SLC12A8: variants seen among roughly 807,000 people sequenced by gnomAD.
SLC12A8 encodes the protein cation-chloride cotransporter 9.
In SLC12A8, 69 loss-of-function variants were observed where a neutral mutation model predicts 75.6. The ratio of observed to expected loss-of-function variants is 0.91; its 90% CI spans 0.75 to 1.11. The LOEUF (loss-of-function observed/expected upper bound fraction) is 1.11. Among genes scored for constraint, SLC12A8 ranks in the 50% most tolerant of loss-of-function variants. SLC12A8 has a pLI of 0.00. For missense variants in SLC12A8, 877 were observed against 896.7 expected (o/e 0.98, Z 0.28); for synonymous variants, 365 against 372.8 (o/e 0.98, Z 0.24).
In SLC12A8 at chr3:125,164,485, G is replaced by A. The variant is rs115682029; in HGVS notation, c.622+13258C>T. Among the ~76,000 whole-genome samples the A allele has an allele frequency of 1.0e-2, 1,518 of 152,354 alleles. 16 individuals carry two copies. The highest frequency in any genetic ancestry group is 0.015 in the Non-Finnish European group (1,045 of 68,038). On this transcript the variant is annotated intron_variant, in intron 5 of 13. Coordinates refer to ENST00000469902, the MANE Select transcript of SLC12A8 (RefSeq NM_024628.6). ...CATCCACACCCACAACTAAGCAGGTGTTTGCTGTACTTGTGGCCCTCAGCT... is the reference window on the plus strand; with the variant it reads ...CATCCACACCCACAACTAAGCAGGTATTTGCTGTACTTGTGGCCCTCAGCT...
intron 9 of SLC12A8, among the ~76,000 whole-genome samples, chr3:125,108,393 G>A (rs927473903): frequency 1.3e-5 from 2 of 150,132 alleles, no homozygotes; most frequent in African/African-American, 4.9e-5. Context: ...TTTTGAGACC[G>A]GGTCTGGCTC....
At chr3:125,113,620 T>C (rs1939238586) in intron 8 of SLC12A8, among the ~76,000 whole-genome samples, 1 of 152,208 alleles carries the variant, frequency 6.6e-6, no homozygotes, top group Admixed American at 6.5e-5. Flanking sequence ...ATTTGCTAAA[T>C]GTGCCAGTGG....
At chr3:125,131,757 T>C (rs1197846533) in intron 6 of SLC12A8, among the ~76,000 whole-genome samples, 2 of 152,092 alleles carry the variant, frequency 1.3e-5, no homozygotes, top group South Asian at 2.1e-4. Context: ...ACAGTGTAAA[T>C]GCATAGGTCA....
chr3:125,097,647 T>C (rs1938751402), intron 10 of SLC12A8, among the ~76,000 whole-genome samples: 1 of 151,944 alleles, frequency 6.6e-6, no homozygotes, highest in African/African-American at 2.4e-5. Flanking sequence ...CTGTTTTATA[T>C]ATCAGCAATG....
In SLC12A8 at chr3:125,177,836, T is replaced by C. The variant is rs760173926; in HGVS notation, c.529A>G (p.Lys177Glu). The C allele has an allele frequency of 1.9e-6, 3 of 1,614,196 alleles. No homozygotes were observed. Among genetic ancestry groups the C allele is most frequent in the Non-Finnish European group, 2.5e-6 (3 of 1,180,040 alleles). Residue 177 changes from lysine (K) to glutamate (E), a missense_variant, in exon 5 of 14, where the codon AAA (lysine) becomes GAA (glutamate). Transcript: ENST00000469902. ...AGCAGCTGGAGGCGGATTATCCATT[T>C]GACACCTGCGAGGTTAATGCCCAGC... ...ALLGINLAGV[K>E]WIIRLQLLLL... is the part of the protein sequence containing the mutation.
rs527547390 is a variant in SLC12A8, at chr3:125,100,962, G to C, written c.1705+6519C>G. Among the ~76,000 whole-genome samples, 686 of 138,402 alleles carry C rather than the reference G, an allele frequency of 5.0e-3. 8 individuals are homozygous for C. The highest frequency in any genetic ancestry group is 0.013 in the Middle Eastern group (3 of 236). 90.8% of individuals were successfully genotyped at this position (138,402 alleles called of 152,430 possible). A position where few individuals can be genotyped will look rare whatever the true frequency, so the allele number is the denominator to read the frequency against. On this transcript the variant is annotated intron_variant, in intron 10 of 13. Coordinates refer to ENST00000469902, the MANE Select transcript of SLC12A8 (RefSeq NM_024628.6). ...CGGGAAGCGGAGCTTGCAGTGAGCC[G>C]AGATTGCGCCACTGCAGTCCGCAGT... is the stretch of plus-strand genomic sequence containing the variant.
intron 5 of SLC12A8, among the ~76,000 whole-genome samples, chr3:125,146,696 C>T (rs970037809): frequency 2.8e-4 from 43 of 152,152 alleles, no homozygotes; most frequent in African/African-American, 9.2e-4. Context: ...CGGAGTGCAG[C>T]GGCATGATCA....
Position 125,107,684 on chromosome 3 carries a change from A to G in SLC12A8, c.1502T>C (p.Leu501Pro), listed in dbSNP as rs577023713. The stretch of plus-strand genomic sequence containing the variant: ...GAGGTCCAAGAGGAAGCTATCTTGT[A>G]GGGTCTGCTTGGTGGCCTTCTTGCT... Reference protein sequence around the residue: ...RKSKKATKQTLQDSFLLDLKS... With the variant: ...RKSKKATKQTPQDSFLLDLKS... Residue 501 changes from leucine to proline, a missense_variant, in exon 10 of 14, where the codon CTA becomes CCA. By Grantham distance (98) the Leu-to-Pro change is moderately conservative. Transcript: ENST00000469902. 1 of 1,614,142 alleles carries G rather than the reference A, an allele frequency of 6.2e-7. No individual in the cohort carries two copies. The highest frequency in any genetic ancestry group is 8.5e-7 in the Non-Finnish European group (1 of 1,180,014).
chr3:125,140,002 T>A (rs11709950), intron 5 of SLC12A8, among the ~76,000 whole-genome samples: 26 of 152,168 alleles, frequency 1.7e-4, no homozygotes, highest in Non-Finnish European at 2.8e-4. Context: ...GCACGTGAGA[T>A]TGTCCCGCCA....
chr3:125,178,282 C>T (rs2945117), intron 4 of SLC12A8, among the ~76,000 whole-genome samples: 6,776 of 152,210 alleles, frequency 0.045, 225 homozygotes, highest in Admixed American at 0.072. Flanking sequence ...GCTAAAGAGG[C>T]CTCCGGATTT....
intron 5 of SLC12A8, among the ~76,000 whole-genome samples, chr3:125,162,830 A>G (rs58483254): frequency 6.6e-6 from 1 of 152,336 alleles, no homozygotes; most frequent in East Asian, 1.9e-4. Flanking sequence ...AAGAGGAAGG[A>G]TCCCAGGCCT....
chr3:125,169,522 G>C (rs1934363848), intron 5 of SLC12A8, among the ~76,000 whole-genome samples: 1 of 152,102 alleles, frequency 6.6e-6, no homozygotes, highest in Non-Finnish European at 1.5e-5. Context: ...AAGACAACTT[G>C]AGACGGAAGG....
chr3:125,148,944 C>A (rs1933851570), intron 5 of SLC12A8, among the ~76,000 whole-genome samples: 1 of 151,346 alleles, frequency 6.6e-6, no homozygotes, highest in Admixed American at 6.6e-5. Flanking sequence ...CTGCCACGTG[C>A]AGTGAGAGGA....
At chr3:125,199,461 G>T (rs1397204956) in intron 2 of SLC12A8, among the ~76,000 whole-genome samples, 1 of 152,104 alleles carries the variant, frequency 6.6e-6, no homozygotes, top group Non-Finnish European at 1.5e-5. Flanking sequence ...AAGATGGTAG[G>T]CCTGGGGCAG....
chr3:125,130,678 G>A (rs1396348726), intron 6 of SLC12A8, among the ~76,000 whole-genome samples: 1 of 152,156 alleles, frequency 6.6e-6, no homozygotes, highest in African/African-American at 2.4e-5. Flanking sequence ...GATCTCACAT[G>A]TGAGTCCAGC....
At chr3:125,201,678 T>G (rs181737479) in intron 2 of SLC12A8, among the ~76,000 whole-genome samples, 7 of 140,034 alleles carry the variant, frequency 5.0e-5, no homozygotes, top group Non-Finnish European at 1.1e-4. Context: ...GCCCAGGAGG[T>G]TGAGGCTGCA....
intron 6 of SLC12A8, among the ~76,000 whole-genome samples, chr3:125,131,827 T>C (rs533295560): frequency 1.3e-5 from 2 of 152,202 alleles, no homozygotes; most frequent in African/African-American, 2.4e-5. Flanking sequence ...AGATTGGTTC[T>C]GGAGTCGGGG....
chr3:125,171,117 CTT>C (rs1934398384), intron 5 of SLC12A8, among the ~76,000 whole-genome samples: 1 of 152,144 alleles, frequency 6.6e-6, no homozygotes, highest in African/African-American at 2.4e-5. Flanking sequence ...TATAGTTTGA[CTT>C]AAGTGTATTT....
At chr3:125,118,142 G>T (rs559009101) in intron 8 of SLC12A8, among the ~76,000 whole-genome samples, 1 of 152,364 alleles carries the variant, frequency 6.6e-6, no homozygotes, top group African/African-American at 2.4e-5. Flanking sequence ...CTGGGAATTT[G>T]GGGTGAGCAG....
Sources: allele counts gnomAD v4.1 joint callset (sites outside exome capture counted in the v4.1 genomes callset), GRCh38; gene constraint gnomAD v4.1.1; transcripts MANE v1.5; gene names NCBI Gene and HGNC (gene_info 2026-07-23, HGNC 2026-07-21).